SSBP2: variants seen among roughly 807,000 people sequenced by gnomAD.
SSBP2 encodes the protein single stranded DNA binding protein 2, also known as single-stranded DNA-binding protein 2.
Under a neutral mutation model 61.8 loss-of-function variants are expected in SSBP2, and 17 were observed. The ratio of observed to expected loss-of-function variants is 0.28; its 90% CI spans 0.19 to 0.41. SSBP2 has a LOEUF of 0.41. Among genes scored for constraint, SSBP2 ranks in the 10% least tolerant of loss-of-function variants. The pLI is 1.00. For synonymous variants in SSBP2, 139 were observed against 141.3 expected, an observed-to-expected ratio of 0.98 and a Z score of 0.12; for missense variants, 310 against 458.7, an observed-to-expected ratio of 0.68 and a Z score of 2.96.
At chr5:81,627,952 C>T (rs189894141) in intron 3 of SSBP2, among the ~76,000 whole-genome samples, 53 of 152,102 alleles carry the variant, frequency 3.5e-4, no homozygotes, top group African/African-American at 1.2e-3. Context: ...TTAGTCCCAG[C>T]TACTCAGGAG....
intron 5 of SSBP2, among the ~76,000 whole-genome samples, chr5:81,493,737 C>T (rs1043197531): frequency 6.0e-5 from 9 of 150,134 alleles, no homozygotes; most frequent in Non-Finnish European, 1.0e-4. Context: ...GCCTGGGTGG[C>T]AGGGTGAGAC....
chr5:81,711,074 T>C (rs886534572), intron 1 of SSBP2, among the ~76,000 whole-genome samples: 5 of 152,082 alleles, frequency 3.3e-5, no homozygotes, highest in African/African-American at 9.6e-5. Flanking sequence ...ACAAATCTGA[T>C]TCTTCCCTTT....
At chr5:81,505,567 A>G (rs936440162) in intron 5 of SSBP2, among the ~76,000 whole-genome samples, 4 of 152,178 alleles carry the variant, frequency 2.6e-5, no homozygotes, top group African/African-American at 9.7e-5. Flanking sequence ...GCCTTTGCAT[A>G]TTTACAATTT....
chr5:81,674,351 T>G (rs1751802831), intron 1 of SSBP2, among the ~76,000 whole-genome samples: 1 of 152,122 alleles, frequency 6.6e-6, no homozygotes, highest in African/African-American at 2.4e-5. Flanking sequence ...GAAGATAAAC[T>G]CTATTTCTTC....
chr5:81,510,592 C>T (rs565677311), intron 5 of SSBP2, among the ~76,000 whole-genome samples: 7 of 152,212 alleles, frequency 4.6e-5, no homozygotes, highest in African/African-American at 1.2e-4. Flanking sequence ...GAAACCCTGT[C>T]TCTACTAAAA....
chr5:81,419,077 T>C lies in SSBP2; in HGVS notation c.*1427A>G, dbSNP rs1761449428. ...TTCTATTGTGATTTTGGTGTATGTA[T>C]GTATAATTAAGCACAAAATCCCAAA... On this transcript the variant is annotated 3_prime_UTR_variant, in exon 17 of 17. Transcript: ENST00000320672. 1 of 152,234 alleles carries C rather than the reference T, an allele frequency of 6.6e-6. No individual in the cohort carries two copies. Among genetic ancestry groups the C allele is most frequent in the South Asian group, 2.1e-4 (1 of 4,828 alleles). The allele number at this position is 152,234 out of a possible 1,614,324, so 9.4% of individuals were successfully genotyped here. A position where few individuals can be genotyped will look rare whatever the true frequency, so the allele number is the denominator to read the frequency against.
intron 4 of SSBP2, among the ~76,000 whole-genome samples, chr5:81,611,594 T>C (rs753863567): frequency 2.0e-4 from 31 of 152,232 alleles, no homozygotes; most frequent in Non-Finnish European, 5.9e-5. Context: ...TTTGATACTA[T>C]TGGCAGCAAT....
At chr5:81,667,036 TA>T (rs1390405917) in intron 1 of SSBP2, among the ~76,000 whole-genome samples, 1 of 151,968 alleles carries the variant, frequency 6.6e-6, no homozygotes, top group Non-Finnish European at 1.5e-5. Context: ...AAACTGGATA[TA>T]GGAAACAACT....
chr5:81,491,559 A>G (rs1766854238), intron 5 of SSBP2, among the ~76,000 whole-genome samples: 1 of 152,160 alleles, frequency 6.6e-6, no homozygotes. Context: ...CCTGTGAAGG[A>G]GCTGCTGTGA....
chr5:81,699,633 C>G (rs1052921061), intron 1 of SSBP2, among the ~76,000 whole-genome samples: 3 of 152,170 alleles, frequency 2.0e-5, no homozygotes, highest in Non-Finnish European at 2.9e-5. Context: ...GCAGTGACTT[C>G]CTCAACTCCG....
At chr5:81,467,165 T>C (rs1354448425) in intron 8 of SSBP2, 100 bp from the exon 9 acceptor site, 2 of 639,012 alleles carry the variant, frequency 3.1e-6, no homozygotes, top group African/African-American at 3.6e-5. Flanking sequence ...AAGGCCTGTG[T>C]AATTCATTCT....
intron 12 of SSBP2, 33 bp downstream of exon 12, chr5:81,446,835 C>T (rs1289921137): frequency 1.9e-6 from 3 of 1,585,152 alleles, no homozygotes; most frequent in African/African-American, 2.7e-5. Context: ...TTCTAATAAT[C>T]AAATGCCCAT....
intron 1 of SSBP2, among the ~76,000 whole-genome samples, chr5:81,651,045 T>G (rs1749684622): frequency 6.6e-6 from 1 of 152,162 alleles, no homozygotes; most frequent in African/African-American, 2.4e-5. Context: ...ACTACTCTCA[T>G]TATCTTGTGG....
chr5:81,440,482 G>T, intron 14 of SSBP2, 76 bp downstream of exon 14: 4 of 1,287,198 alleles, frequency 3.1e-6, no homozygotes, highest in Non-Finnish European at 4.4e-6. Context: ...AAGAACTTTG[G>T]AAACTGTAAT....
At chr5:81,582,869 A>T (rs1215655107) in intron 4 of SSBP2, among the ~76,000 whole-genome samples, 1 of 152,134 alleles carries the variant, frequency 6.6e-6, no homozygotes, top group Non-Finnish European at 1.5e-5. Context: ...GCTGGATTAC[A>T]GGTGTGAGCA....
intron 5 of SSBP2, among the ~76,000 whole-genome samples, chr5:81,495,938 T>C (rs1444334484): frequency 6.6e-6 from 1 of 152,148 alleles, no homozygotes; most frequent in Non-Finnish European, 1.5e-5. Flanking sequence ...CTATATTCTA[T>C]CTTTTATTTT....
rs1044748084 is a variant in SSBP2 at position 81,562,426 on chromosome 5, A to G, written c.283-48709T>C. Among the ~76,000 whole-genome samples the G allele has an allele frequency of 2.6e-5, 4 of 152,190 alleles. No individual in the cohort carries two copies. The East Asian group carries it at 5.8e-4, about 22-fold the overall frequency. ...TAACTATGCAAGAGTACTGCACTTTATAAGAGATAATTAGGTTGGTCCTGA... is the reference window on the plus strand; with the variant it reads ...TAACTATGCAAGAGTACTGCACTTTGTAAGAGATAATTAGGTTGGTCCTGA... On this transcript the variant is annotated intron_variant, in intron 4 of 16. Coordinates refer to ENST00000320672, the MANE Select transcript of SSBP2 (RefSeq NM_012446.5).
chr5:81,680,394 C>A (rs1007489295), intron 1 of SSBP2, among the ~76,000 whole-genome samples: 1 of 149,354 alleles, frequency 6.7e-6, no homozygotes, highest in Non-Finnish European at 1.5e-5. Flanking sequence ...TCTATAGGTT[C>A]TGTTTCTTGG....
intron 2 of SSBP2, among the ~76,000 whole-genome samples, chr5:81,640,597 A>G (rs1269526883): frequency 1.3e-5 from 2 of 152,192 alleles, no homozygotes; most frequent in Non-Finnish European, 2.9e-5. Context: ...CATAAAAAAT[A>G]AGAAATAATA....
Sources: gnomAD v4.1 joint callset for allele counts (sites outside exome capture counted in the v4.1 genomes callset) on GRCh38, gnomAD v4.1.1 for gene constraint, MANE v1.5 for transcripts, NCBI Gene and HGNC (gene_info 2026-07-23, HGNC 2026-07-21) for gene names.